Variants in MDFIC observed in about 807,000 individuals in gnomAD.
MDFIC encodes MyoD family inhibitor domain containing, also known as myoD family inhibitor domain-containing protein.
Under a neutral mutation model 23.2 loss-of-function variants are expected in MDFIC, and 17 were observed. The observed-to-expected ratio is 0.73, with a 90% CI of 0.50 to 1.10. MDFIC has a LOEUF of 1.10. Ranked by LOEUF, MDFIC falls within the 50% of genes least tolerant of loss-of-function variation. The pLI is 0.00. For missense variants in MDFIC, 356 were observed against 316.6 expected (o/e 1.12, Z -0.95); for synonymous variants, 120 against 115.2 (o/e 1.04, Z -0.27).
chr7:114,922,679 C>A, intron 1 of MDFIC, 43 bp downstream of exon 1: 1 of 1,339,478 alleles, frequency 7.5e-7, no homozygotes, highest in Non-Finnish European at 9.6e-7. Flanking sequence ...GGGTTTGATC[C>A]CCATCCCCGG....
intron 4 of MDFIC, chr7:114,980,141 G>T (rs1282305726): frequency 3.6e-6 from 1 of 275,456 alleles, no homozygotes; most frequent in Non-Finnish European, 7.1e-6. Context: ...TTATTCTATA[G>T]TTCAGAGATA....
intron 4 of MDFIC, among the ~76,000 whole-genome samples, chr7:115,011,747 A>C (rs1023352472): frequency 2.0e-5 from 3 of 152,206 alleles, no homozygotes; most frequent in African/African-American, 7.2e-5. Context: ...TCTCAAATGA[A>C]TATATCCTAT....
At chr7:115,014,278 G>T (rs555461127) in intron 4 of MDFIC, 1 of 985,306 alleles carries the variant, frequency 1.0e-6, no homozygotes, top group Non-Finnish European at 1.2e-6. Flanking sequence ...ACTGCCGTAG[G>T]TACCCTGGTG....
chr7:114,954,907 C>T (rs1792855097), intron 3 of MDFIC, among the ~76,000 whole-genome samples: 2 of 152,006 alleles, frequency 1.3e-5, no homozygotes, highest in South Asian at 4.1e-4. Context: ...CCTATCCTAC[C>T]ACTCCCCTCA....
chr7:114,966,633 G>A (rs182808097), intron 3 of MDFIC, among the ~76,000 whole-genome samples: 73 of 152,198 alleles, frequency 4.8e-4, no homozygotes, highest in Non-Finnish European at 2.9e-5. Flanking sequence ...GGTTGTTTGT[G>A]TCACTAAACA....
intron 3 of MDFIC, among the ~76,000 whole-genome samples, chr7:114,954,385 T>G (rs112850844): frequency 8.5e-5 from 13 of 152,378 alleles, no homozygotes; most frequent in African/African-American, 3.1e-4. Flanking sequence ...TCCATAATCT[T>G]ATGGCATTTC....
rs368125502 is a variant in MDFIC, at chr7:114,991,707, A to G, written c.493+11926A>G. Among the ~76,000 whole-genome samples, 56 of 152,254 alleles carry G rather than the reference A, an allele frequency of 3.7e-4. No homozygotes were observed. In the East Asian group the frequency reaches 6.6e-3, roughly 18 times the overall value. On this transcript the variant is annotated intron_variant, in intron 4 of 4. Transcript: ENST00000393486. ...GGGCTCTGTTCTGTTCCATTGGTCT[A>G]TATCTCTGTTTTGGTACCAGTACCA...
intron 3 of MDFIC, among the ~76,000 whole-genome samples, chr7:114,946,225 AGTGTGTGT>A (rs141050062): frequency 3.5e-4 from 52 of 149,684 alleles, no homozygotes; most frequent in Non-Finnish European, 5.5e-4. Context: ...TAGGAAGAAG[AGTGTGTGT>A]GTGTGTGTGT....
intron 4 of MDFIC, among the ~76,000 whole-genome samples, chr7:114,984,374 A>G (rs927539940): frequency 5.9e-5 from 9 of 152,036 alleles, no homozygotes; most frequent in African/African-American, 1.9e-4. Flanking sequence ...AAAGTTTCTC[A>G]TGAGTTAACA....
At chr7:114,941,335 A>G (rs765844480) in intron 2 of MDFIC, among the ~76,000 whole-genome samples, 2 of 152,174 alleles carry the variant, frequency 1.3e-5, no homozygotes, top group Non-Finnish European at 2.9e-5. Flanking sequence ...GCATTCTAAT[A>G]TCCACACAAT....
At chr7:114,961,822 G>A (rs1305720703) in intron 3 of MDFIC, among the ~76,000 whole-genome samples, 1 of 152,054 alleles carries the variant, frequency 6.6e-6, no homozygotes, top group Non-Finnish European at 1.5e-5. Context: ...CCTCCCATTA[G>A]ACCCGCTCCT....
Position 114,988,194 on chromosome 7 carries a change from A to C in MDFIC, c.493+8413A>C, listed in dbSNP as rs932641080. Among the ~76,000 whole-genome samples, 5 of 152,154 alleles carry C rather than the reference A, an allele frequency of 3.3e-5. 1 individual carries two copies. Among genetic ancestry groups the C allele is most frequent in the Non-Finnish European group, 5.9e-5 (4 of 68,022 alleles). ...AGCAAATTAAATTAGCTCAGCATTC[A>C]CTCAGGAGATGGGTGAGGAGGAAAT... On this transcript the variant is annotated intron_variant, in intron 4 of 4. Coordinates refer to ENST00000393486, the MANE Select transcript of MDFIC (RefSeq NM_001166345.3).
chr7:114,969,429 G>T (rs538538567), intron 3 of MDFIC, among the ~76,000 whole-genome samples: 3 of 152,312 alleles, frequency 2.0e-5, no homozygotes, highest in African/African-American at 7.2e-5. Flanking sequence ...CAGCATATAT[G>T]TGTCTGATAC....
chr7:114,982,624 G>A (rs1793437942), intron 4 of MDFIC, among the ~76,000 whole-genome samples: 2 of 152,186 alleles, frequency 1.3e-5, no homozygotes, highest in Non-Finnish European at 2.9e-5. Context: ...GAGCCCAGGA[G>A]TTTGAGGTTA....
chr7:114,953,343 T>C (rs1387386435), intron 3 of MDFIC, among the ~76,000 whole-genome samples: 2 of 152,216 alleles, frequency 1.3e-5, no homozygotes, highest in Non-Finnish European at 2.9e-5. Context: ...AAAAATCTTT[T>C]TTAAAAAGAG....
At chr7:114,927,491 A>T (rs1792216233) in intron 2 of MDFIC, among the ~76,000 whole-genome samples, 2 of 152,060 alleles carry the variant, frequency 1.3e-5, no homozygotes, top group South Asian at 4.1e-4. Context: ...CTGCATAGTC[A>T]TCCTCAAAAA....
intron 4 of MDFIC, among the ~76,000 whole-genome samples, chr7:115,010,073 AGG>A (rs773802597): frequency 0.098 from 14,931 of 152,274 alleles, 1,065 homozygotes; most frequent in African/African-American, 0.2. Context: ...TCTTAAGAAC[AGG>A]GGAAAAAGAT....
intron 2 of MDFIC, among the ~76,000 whole-genome samples, chr7:114,938,585 C>G (rs948390497): frequency 6.6e-6 from 1 of 151,976 alleles, no homozygotes; most frequent in African/African-American, 2.4e-5. Flanking sequence ...AGCTGCACAG[C>G]GGTTCTAACC....
At chr7:114,946,938 C>T (rs1245864005) in intron 3 of MDFIC, among the ~76,000 whole-genome samples, 3 of 152,154 alleles carry the variant, frequency 2.0e-5, no homozygotes, top group Non-Finnish European at 4.4e-5. Flanking sequence ...GGGAATGCCT[C>T]CTTTATGTAA....
Sources: allele counts gnomAD v4.1 joint callset (sites outside exome capture counted in the v4.1 genomes callset), GRCh38; gene constraint gnomAD v4.1.1; transcripts MANE v1.5; gene names NCBI Gene and HGNC (gene_info 2026-07-23, HGNC 2026-07-21).